TRAT1: variants seen among roughly 807,000 people sequenced by gnomAD.
TRAT1 encodes the protein T-cell receptor-associated transmembrane adapter 1.
TRAT1 carries 20 observed loss-of-function variants against 20.0 expected under a neutral mutation model. The ratio of observed to expected loss-of-function variants is 1.00; its 90% CI spans 0.70 to 1.45. The LOEUF is 1.45. Among genes scored for constraint, TRAT1 ranks in the 40% most tolerant of loss-of-function variants. TRAT1 has a pLI of 0.00. For synonymous variants in TRAT1, 77 were observed against 74.2 expected (o/e 1.04, Z -0.20); for missense variants, 237 against 224.1 (o/e 1.06, Z -0.37).
At chr3:108,847,274 A>T (rs1039230196) in intron 4 of TRAT1, 145 bp downstream of exon 4, 1 of 534,650 alleles carries the variant, frequency 1.9e-6, no homozygotes, top group Non-Finnish European at 3.3e-6. Context: ...TATATTAATT[A>T]GGCTACATTT....
At chr3:108,836,011 C>T (rs964414811) in intron 2 of TRAT1, among the ~76,000 whole-genome samples, 5 of 152,196 alleles carry the variant, frequency 3.3e-5, no homozygotes, top group African/African-American at 1.2e-4. Context: ...CCTCTGCCTC[C>T]TGGATTCAAG....
chr3:108,839,923 A>T (rs1377421630), intron 3 of TRAT1, among the ~76,000 whole-genome samples: 1 of 152,012 alleles, frequency 6.6e-6, no homozygotes, highest in South Asian at 2.1e-4. Context: ...TCTGACCCAG[A>T]TGTGTCAATG....
intron 4 of TRAT1, among the ~76,000 whole-genome samples, chr3:108,848,923 C>A (rs1945971557): frequency 1.3e-5 from 2 of 152,118 alleles, no homozygotes; most frequent in Admixed American, 6.5e-5. Flanking sequence ...TTCATATGAT[C>A]TAGTTCTTAT....
intron 2 of TRAT1, among the ~76,000 whole-genome samples, 167 bp from the exon 3 acceptor site, chr3:108,838,767 G>A (rs565165643): frequency 3.5e-4 from 53 of 151,934 alleles, no homozygotes; most frequent in Non-Finnish European, 7.4e-4. Context: ...AATCTGATTG[G>A]CCCAAGAGGA....
chr3:108,826,042 T>G (rs2107505274), intron 1 of TRAT1, among the ~76,000 whole-genome samples: 1 of 152,228 alleles, frequency 6.6e-6, no homozygotes, highest in Non-Finnish European at 1.5e-5. Flanking sequence ...CAATGAAGAG[T>G]CTAGCATTGG....
chr3:108,850,399 G>A (rs569421506), intron 5 of TRAT1, among the ~76,000 whole-genome samples: 1 of 151,968 alleles, frequency 6.6e-6, no homozygotes, highest in African/African-American at 2.4e-5. Context: ...CTGCCTCCCG[G>A]GTTCAAGCGA....
At chr3:108,850,941 G>A (rs908242106) in intron 5 of TRAT1, among the ~76,000 whole-genome samples, 8 of 152,140 alleles carry the variant, frequency 5.3e-5, no homozygotes, top group African/African-American at 1.9e-4. Context: ...ATTATGCAAA[G>A]CCTTAAAATG....
rs543055845 is a variant in TRAT1 at position 108,823,895 on chromosome 3, C to T, written c.7+961C>T. Among the ~76,000 whole-genome samples the T allele has an allele frequency of 9.2e-5, 14 of 151,654 alleles. No homozygotes were observed. In the East Asian group the frequency reaches 2.5e-3, roughly 27 times the overall value. ...TTTTTTTGTTTGTTTTTTTTTGAGA[C>T]AGAGTCTCTCTTTGTTGCCAGGCAG... is the stretch of plus-strand genomic sequence containing the variant. On this transcript the variant is annotated intron_variant, in intron 1 of 5. Coordinates refer to ENST00000295756, the MANE Select transcript of TRAT1 (RefSeq NM_016388.4).
chr3:108,844,719 CTG>C (rs1012883442), intron 3 of TRAT1, among the ~76,000 whole-genome samples: 5 of 150,950 alleles, frequency 3.3e-5, no homozygotes, highest in Admixed American at 6.6e-5. Context: ...TGGCGGGCGC[CTG>C]TAGTCCCAGC....
chr3:108,843,667 G>A (rs1250439105), intron 3 of TRAT1, among the ~76,000 whole-genome samples: 4 of 152,064 alleles, frequency 2.6e-5, no homozygotes, highest in Non-Finnish European at 5.9e-5. Context: ...ATATTTGCTG[G>A]CTTTTCTTCC....
At chr3:108,840,848 G>C (rs1945890636) in intron 3 of TRAT1, among the ~76,000 whole-genome samples, 1 of 152,226 alleles carries the variant, frequency 6.6e-6, no homozygotes, top group Non-Finnish European at 1.5e-5. Context: ...GATTCATTCA[G>C]AGATAGTTCC....
chr3:108,849,185 C>T lies in TRAT1; in HGVS notation c.234C>T (p.Cys78=). The change falls in exon 5 of 6, where the codon TGC becomes TGT. Residue 78 remains cysteine (C), a synonymous_variant. Transcript: ENST00000295756. ...CCCAAGAACCAATGGATGAAAATTG[C>T]TATGAACAAATGAAAGCCCGACCAG... The part of the protein sequence containing the change: ...DMISEPMDEN[C]YEQMKARPEK... The T allele has an allele frequency of 6.2e-7, 1 of 1,612,460 alleles. No homozygotes were observed. The highest frequency in any genetic ancestry group is 1.3e-5 in the African/African-American group (1 of 75,016).
chr3:108,850,110 A>G (rs187856910), intron 5 of TRAT1, among the ~76,000 whole-genome samples: 13 of 152,090 alleles, frequency 8.5e-5, no homozygotes, highest in Non-Finnish European at 1.8e-4. Context: ...TATCATTCCC[A>G]TTTTACAAAT....
rs1946024991 is a variant in TRAT1, at chr3:108,854,170, T to C, written c.*293T>C. 5.9e-5 allele frequency: 15 copies of C among 254,662 alleles called. No homozygotes were observed. The South Asian group carries it at 1.7e-3, about 30-fold the overall frequency. 15.8% of individuals were successfully genotyped at this position (254,662 alleles called of 1,614,324 possible). On this transcript the variant is annotated 3_prime_UTR_variant, in exon 6 of 6. Transcript: ENST00000295756. ...AAATTAATAAGACCCAGCTTGAAAA[T>C]TGAGCCTGATAACAAGATTACAAAT...
chr3:108,844,758 G>A (rs1004960312), intron 3 of TRAT1, among the ~76,000 whole-genome samples: 4 of 145,156 alleles, frequency 2.8e-5, no homozygotes, highest in Non-Finnish European at 6.0e-5. Context: ...GCAGCAGAAT[G>A]ACGTGAATCC....
At chr3:108,829,856 G>A (rs895702598) in intron 1 of TRAT1, among the ~76,000 whole-genome samples, 3 of 152,124 alleles carry the variant, frequency 2.0e-5, no homozygotes, top group African/African-American at 7.2e-5. Flanking sequence ...GACTATATTA[G>A]TGGTTTATGT....
At chr3:108,823,550 A>C (rs946989476) in intron 1 of TRAT1, among the ~76,000 whole-genome samples, 9 of 152,294 alleles carry the variant, frequency 5.9e-5, no homozygotes, top group Non-Finnish European at 1.2e-4. Context: ...TTTTTGTTGC[A>C]AAAGGAAACA....
intron 5 of TRAT1, 141 bp downstream of exon 5, chr3:108,849,395 G>T (rs1945975928): frequency 7.9e-6 from 5 of 630,266 alleles, no homozygotes; most frequent in Non-Finnish European, 1.1e-5. Context: ...CTAACTCAGG[G>T]TCATGTAAAC....
Position 108,844,843 on chromosome 3 carries a change from CAAAA to C in TRAT1, c.153-2202_153-2199del, listed in dbSNP as rs71103495. 6.7e-3 allele frequency among the ~76,000 whole-genome samples: 318 copies of C among 47,774 alleles called. 1 individual carries two copies. Among genetic ancestry groups the C allele is most frequent in the African/African-American group, 0.024 (282 of 11,642 alleles). The allele number at this position is 47,774 out of a possible 152,430, so 31.3% of individuals were successfully genotyped here. ...TGGGTGACAGAGAGAGACTCTGTCT[CAAAA>C]AAAAAAAAAAAAAAAAAAAAAAGAA... On this transcript the variant is annotated intron_variant, in intron 3 of 5. Transcript: ENST00000295756.
Sources: allele counts gnomAD v4.1 joint callset (sites outside exome capture counted in the v4.1 genomes callset), GRCh38; gene constraint gnomAD v4.1.1; transcripts MANE v1.5; gene names NCBI Gene and HGNC (gene_info 2026-07-23, HGNC 2026-07-21).